Variants in FOXP1 observed in about 807,000 individuals in gnomAD.
FOXP1 encodes the protein forkhead box P1, also known as forkhead box protein P1.
Under a neutral mutation model 98.2 loss-of-function variants are expected in FOXP1, and 15 were observed. That is an observed-to-expected ratio of 0.15 (90% CI 0.10 to 0.24). The LOEUF is 0.24. FOXP1 is among the 10% of genes least tolerant of loss of function. FOXP1 has a pLI of 1.00. For missense variants in FOXP1, 633 were observed against 848.5 expected (o/e 0.75, Z 3.15); for synonymous variants, 371 against 314.5 (o/e 1.18, Z -1.90).
intron 6 of FOXP1, among the ~76,000 whole-genome samples, chr3:71,151,655 A>G (rs921265263): frequency 8.8e-6 from 1 of 113,198 alleles, no homozygotes; most frequent in African/African-American, 3.0e-5. Flanking sequence ...ATGCATGTCT[A>G]AAACATTTTT....
At chr3:71,404,781 G>T (rs1355889719) in intron 3 of FOXP1, among the ~76,000 whole-genome samples, 1 of 152,050 alleles carries the variant, frequency 6.6e-6, no homozygotes, top group Non-Finnish European at 1.5e-5. Context: ...ACCCCACACA[G>T]AGAAGCCCCA....
chr3:71,269,600 G>A (rs1252341996), intron 5 of FOXP1, among the ~76,000 whole-genome samples: 1 of 152,054 alleles, frequency 6.6e-6, no homozygotes, highest in African/African-American at 2.4e-5. Context: ...TCCCGCCAAA[G>A]TGCAACATGT....
chr3:71,053,041 C>G (rs1265353261), intron 8 of FOXP1, among the ~76,000 whole-genome samples: 1 of 152,110 alleles, frequency 6.6e-6, no homozygotes, highest in Non-Finnish European at 1.5e-5. Context: ...TCCCCACCAC[C>G]CCAGGCCAGT....
chr3:71,023,226 C>G (rs567222779), intron 11 of FOXP1, among the ~76,000 whole-genome samples: 50 of 152,312 alleles, frequency 3.3e-4, no homozygotes, highest in African/African-American at 1.2e-3. Flanking sequence ...CCATGTCTCT[C>G]TTTGTCTGTT....
rs570479016 is a variant in FOXP1, at chr3:71,144,921, G to T, written c.181-32284C>A. 7.9e-5 allele frequency among the ~76,000 whole-genome samples: 12 copies of T among 152,262 alleles called. No individual in the cohort carries two copies. In the South Asian group the frequency reaches 1.7e-3, roughly 21 times the overall value. ...TCTTTTCTGAAATGGCATATAAATG[G>T]AATCATATAGTGTGTAATCTTTGGA... On this transcript the variant is annotated intron_variant, in intron 6 of 20. Coordinates refer to ENST00000649528, the MANE Select transcript of FOXP1 (RefSeq NM_001349338.3).
intron 5 of FOXP1, among the ~76,000 whole-genome samples, chr3:71,278,184 G>A (rs1040871343): frequency 1.3e-5 from 2 of 152,102 alleles, no homozygotes; most frequent in Non-Finnish European, 2.9e-5. Flanking sequence ...TATACATAAA[G>A]GCATTAAGCA....
chr3:71,013,348 G>A (rs2043942957), intron 12 of FOXP1, among the ~76,000 whole-genome samples: 1 of 152,186 alleles, frequency 6.6e-6, no homozygotes, highest in African/African-American at 2.4e-5. Context: ...TCACCCAGCT[G>A]CAATTGGCCA....
intron 4 of FOXP1, among the ~76,000 whole-genome samples, chr3:71,303,760 G>C (rs958963384): frequency 6.6e-6 from 1 of 151,452 alleles, no homozygotes; most frequent in African/African-American, 2.4e-5. Context: ...AAGTGGGGAA[G>C]GTGGGGAATG....
At chr3:71,501,293 C>G (rs373686606) in intron 2 of FOXP1, among the ~76,000 whole-genome samples, 2 of 129,720 alleles carry the variant, frequency 1.5e-5, no homozygotes, top group Non-Finnish European at 1.7e-5. Flanking sequence ...AAATGCTTTT[C>G]TTTTTTTTTT....
chr3:71,085,634 G>C (rs1576662387), intron 7 of FOXP1, among the ~76,000 whole-genome samples: 1 of 151,506 alleles, frequency 6.6e-6, no homozygotes, highest in African/African-American at 2.4e-5. Context: ...AACATTATTA[G>C]CACCTTTCGT....
intron 7 of FOXP1, among the ~76,000 whole-genome samples, chr3:71,072,309 A>C (rs1321893598): frequency 6.6e-6 from 1 of 152,230 alleles, no homozygotes; most frequent in Non-Finnish European, 1.5e-5. Context: ...CTGGGCAACA[A>C]GAATGAGACC....
chr3:71,456,252 AAGAG>A (rs369688276), intron 3 of FOXP1, among the ~76,000 whole-genome samples: 1 of 151,748 alleles, frequency 6.6e-6, no homozygotes, highest in East Asian at 1.9e-4. Flanking sequence ...ACAACAGAGA[AAGAG>A]AGAGAGAGGG....
At chr3:71,151,878 C>A (rs776055408) in intron 6 of FOXP1, among the ~76,000 whole-genome samples, 1 of 152,110 alleles carries the variant, frequency 6.6e-6, no homozygotes, top group Non-Finnish European at 1.5e-5. Flanking sequence ...GAACAATCCA[C>A]GAACAGTAGT....
chr3:71,028,490 T>C (rs778517076), intron 11 of FOXP1, among the ~76,000 whole-genome samples: 7 of 152,202 alleles, frequency 4.6e-5, no homozygotes, highest in Non-Finnish European at 7.3e-5. Flanking sequence ...AAGCTAAAGA[T>C]TGAGATGTAC....
At chr3:71,474,232 A>G (rs1479354310) in intron 3 of FOXP1, among the ~76,000 whole-genome samples, 1 of 152,224 alleles carries the variant, frequency 6.6e-6, no homozygotes, top group Non-Finnish European at 1.5e-5. Context: ...ATGAAACAGT[A>G]AAAAACCTAA....
At chr3:71,265,080 G>A (rs534996080) in intron 5 of FOXP1, among the ~76,000 whole-genome samples, 1 of 152,312 alleles carries the variant, frequency 6.6e-6, no homozygotes, top group Admixed American at 6.5e-5. Flanking sequence ...GCTCTGTTCT[G>A]TGAAGTGCTA....
chr3:71,367,808 A>ATGAG (rs1468957636), intron 3 of FOXP1, among the ~76,000 whole-genome samples: 2 of 152,234 alleles, frequency 1.3e-5, no homozygotes, highest in African/African-American at 4.8e-5. Context: ...TTTGACCACC[A>ATGAG]GTCCTTTCCA....
chr3:71,246,776 C>T (rs764904909), intron 5 of FOXP1, among the ~76,000 whole-genome samples: 4 of 152,204 alleles, frequency 2.6e-5, no homozygotes, highest in Non-Finnish European at 5.9e-5. Context: ...TCTTAGCACT[C>T]ACCCAATAAT....
At chr3:71,564,515 T>C (rs1456984897) in intron 2 of FOXP1, among the ~76,000 whole-genome samples, 2 of 152,196 alleles carry the variant, frequency 1.3e-5, no homozygotes, top group Admixed American at 6.5e-5. Flanking sequence ...TTAATAAGCT[T>C]TGAGTCACCC....
Sources: gnomAD v4.1 joint callset for allele counts (sites outside exome capture counted in the v4.1 genomes callset) on GRCh38, gnomAD v4.1.1 for gene constraint, MANE v1.5 for transcripts, NCBI Gene and HGNC (gene_info 2026-07-23, HGNC 2026-07-21) for gene names.